Variants in IMMP2L observed in about 807,000 individuals in gnomAD.
IMMP2L encodes the protein inner mitochondrial membrane peptidase subunit 2, also known as mitochondrial inner membrane protease subunit 2.
In IMMP2L, 18 loss-of-function variants were observed where a neutral mutation model predicts 19.3. The ratio of observed to expected loss-of-function variants is 0.93; its 90% CI spans 0.64 to 1.38. The LOEUF (loss-of-function observed/expected upper bound fraction) is 1.38. Among genes scored for constraint, IMMP2L ranks in the 40% most tolerant of loss-of-function variants. The pLI, the probability that IMMP2L is intolerant of heterozygous loss-of-function variation, is 0.00. For synonymous variants in IMMP2L, 76 were observed against 73.0 expected (o/e 1.04, Z -0.21); for missense variants, 233 against 218.2 (o/e 1.07, Z -0.43).
chr7:111,288,778 G>C (rs1345032791), intron 3 of IMMP2L, among the ~76,000 whole-genome samples: 1 of 152,126 alleles, frequency 6.6e-6, no homozygotes, highest in Non-Finnish European at 1.5e-5. Context: ...ACAGATGCTG[G>C]AGAGGATGTG....
intron 4 of IMMP2L, among the ~76,000 whole-genome samples, chr7:110,948,947 C>A (rs1283810410): frequency 6.6e-6 from 1 of 152,182 alleles, no homozygotes; most frequent in African/African-American, 2.4e-5. Flanking sequence ...CCTTCAACAA[C>A]AGAACTCCAG....
At chr7:111,448,498 C>T (rs1179318899) in intron 3 of IMMP2L, among the ~76,000 whole-genome samples, 1 of 141,698 alleles carries the variant, frequency 7.1e-6, no homozygotes, top group Non-Finnish European at 1.5e-5. Flanking sequence ...TAAAGATGTT[C>T]TTTGAAACCA....
intron 3 of IMMP2L, among the ~76,000 whole-genome samples, chr7:111,088,363 A>G (rs1313560347): frequency 6.6e-6 from 1 of 152,204 alleles, no homozygotes; most frequent in African/African-American, 2.4e-5. Flanking sequence ...ATTTCCTACA[A>G]TGTAGGTAAC....
chr7:111,558,338 G>A (rs985423098), intron 1 of IMMP2L, among the ~76,000 whole-genome samples: 1 of 152,188 alleles, frequency 6.6e-6, no homozygotes, highest in Non-Finnish European at 1.5e-5. Flanking sequence ...GTCCAGGCCA[G>A]TGACTTAATC....
intron 3 of IMMP2L, among the ~76,000 whole-genome samples, chr7:111,349,395 C>A (rs150569983): frequency 1.3e-5 from 2 of 152,110 alleles, no homozygotes; most frequent in African/African-American, 2.4e-5. Flanking sequence ...ATGCAATATA[C>A]CTCACTATGG....
chr7:110,869,702 T>C (rs566583694), intron 5 of IMMP2L, among the ~76,000 whole-genome samples: 1 of 152,262 alleles, frequency 6.6e-6, no homozygotes, highest in Non-Finnish European at 1.5e-5. Flanking sequence ...CTCTATTTTT[T>C]ACAAGCTCCT....
At chr7:110,799,139 T>C (rs991915723) in intron 5 of IMMP2L, among the ~76,000 whole-genome samples, 4 of 152,044 alleles carry the variant, frequency 2.6e-5, no homozygotes, top group African/African-American at 9.7e-5. Flanking sequence ...CCTTTGATAC[T>C]ATTAGCCCGA....
intron 3 of IMMP2L, among the ~76,000 whole-genome samples, chr7:111,219,103 T>C (rs1214419794): frequency 6.6e-6 from 1 of 152,014 alleles, no homozygotes; most frequent in East Asian, 1.9e-4. Context: ...AATCAACTAT[T>C]GATGTATGTT....
At chr7:111,000,095 T>C (rs1457641922) in intron 3 of IMMP2L, among the ~76,000 whole-genome samples, 1 of 152,174 alleles carries the variant, frequency 6.6e-6, no homozygotes, top group African/African-American at 2.4e-5. Flanking sequence ...CTGTTTGTTG[T>C]GGTTGTTTTC....
intron 5 of IMMP2L, among the ~76,000 whole-genome samples, chr7:110,851,780 AG>A (rs1430074379): frequency 6.6e-6 from 1 of 152,168 alleles, no homozygotes; most frequent in Non-Finnish European, 1.5e-5. Flanking sequence ...GTCCATCAAT[AG>A]GAATTTATGC....
intron 3 of IMMP2L, among the ~76,000 whole-genome samples, chr7:111,160,392 T>G (rs1805123896): frequency 6.6e-6 from 1 of 152,066 alleles, no homozygotes; most frequent in Non-Finnish European, 1.5e-5. Flanking sequence ...TACTGCAATT[T>G]CTATAGATCA....
chr7:110,946,199 A>G (rs1817234495), intron 4 of IMMP2L, among the ~76,000 whole-genome samples: 1 of 152,168 alleles, frequency 6.6e-6, no homozygotes, highest in South Asian at 2.1e-4. Context: ...AGTGAGAATC[A>G]ATAATGTATT....
intron 5 of IMMP2L, among the ~76,000 whole-genome samples, chr7:110,677,661 C>A (rs1169562093): frequency 6.6e-6 from 1 of 151,886 alleles, no homozygotes; most frequent in Non-Finnish European, 1.5e-5. Flanking sequence ...GCATCACGTG[C>A]CAAAGAACTA....
At chr7:110,914,224 A>G (rs1016756819) in intron 4 of IMMP2L, among the ~76,000 whole-genome samples, 9 of 152,152 alleles carry the variant, frequency 5.9e-5, no homozygotes, top group Admixed American at 2.0e-4. Flanking sequence ...ATGCTTCAGG[A>G]TCCTGATCTC....
intron 5 of IMMP2L, among the ~76,000 whole-genome samples, chr7:110,855,946 C>T (rs921074866): frequency 2.6e-5 from 4 of 151,976 alleles, no homozygotes; most frequent in African/African-American, 7.2e-5. Context: ...CTACTCAATA[C>T]TCAAATAATA....
chr7:111,478,656 G>A (rs551525314), intron 3 of IMMP2L, among the ~76,000 whole-genome samples: 4 of 152,078 alleles, frequency 2.6e-5, no homozygotes, highest in Admixed American at 1.3e-4. Context: ...AAACTCCTGA[G>A]CTCAAGTGAT....
chr7:111,293,404 G>A (rs1243089053), intron 3 of IMMP2L, among the ~76,000 whole-genome samples: 1 of 151,268 alleles, frequency 6.6e-6, no homozygotes, highest in Admixed American at 6.6e-5. Context: ...AAGTAGAACA[G>A]GGCAAAAAAT....
At chr7:110,941,506 T>G (rs903769823) in intron 4 of IMMP2L, among the ~76,000 whole-genome samples, 1 of 152,166 alleles carries the variant, frequency 6.6e-6, no homozygotes, top group African/African-American at 2.4e-5. Flanking sequence ...ATTAATGCAT[T>G]TAAGCATATA....
intron 3 of IMMP2L, among the ~76,000 whole-genome samples, chr7:111,319,927 C>T (rs1228221091): frequency 6.6e-6 from 1 of 151,856 alleles, no homozygotes; most frequent in African/African-American, 2.4e-5. Flanking sequence ...TTCTATTTTT[C>T]TCTTTTATTT....
Sources: gnomAD v4.1 joint callset for allele counts (sites outside exome capture counted in the v4.1 genomes callset) on GRCh38, gnomAD v4.1.1 for gene constraint, MANE v1.5 for transcripts, NCBI Gene and HGNC (gene_info 2026-07-23, HGNC 2026-07-21) for gene names.